The following WWOX variants were observed in gnomAD, a reference collection of about 807,000 sequenced individuals.
The protein encoded by WWOX is WW domain-containing oxidoreductase.
In WWOX, 69 loss-of-function variants were observed where a neutral mutation model predicts 46.2. The observed-to-expected ratio is 1.49, with a 90% CI of 1.23 to 1.82. The LOEUF (loss-of-function observed/expected upper bound fraction) is 1.82, where lower values mean the gene tolerates loss of function less well. WWOX is among the 40% of genes most tolerant of loss of function. The pLI, the probability that WWOX is intolerant of heterozygous loss-of-function variation, is 0.00. For missense variants in WWOX, 919 were observed against 542.6 expected (o/e 1.69, Z -6.89); for synonymous variants, 359 against 202.6 (o/e 1.77, Z -6.56).
chr16:78,541,094 T>C (rs1398904544), intron 8 of WWOX, among the ~76,000 whole-genome samples: 1 of 152,202 alleles, frequency 6.6e-6, no homozygotes, highest in Non-Finnish European at 1.5e-5. Flanking sequence ...GAGAACCTAA[T>C]ATATTTTGAG....
chr16:78,475,481 G>A (rs559613397), intron 8 of WWOX, among the ~76,000 whole-genome samples: 12 of 152,310 alleles, frequency 7.9e-5, no homozygotes, highest in African/African-American at 2.9e-4. Context: ...TTATAAGGTG[G>A]TCCTTTATAA....
At chr16:78,632,149 G>C (rs2046447773) in intron 8 of WWOX, among the ~76,000 whole-genome samples, 1 of 152,158 alleles carries the variant, frequency 6.6e-6, no homozygotes, top group Non-Finnish European at 1.5e-5. Context: ...AGAAATAGCT[G>C]GGTTGAATTC....
At chr16:78,417,558 AT>A (rs1295817491) in intron 6 of WWOX, among the ~76,000 whole-genome samples, 1 of 152,222 alleles carries the variant, frequency 6.6e-6, no homozygotes, top group Non-Finnish European at 1.5e-5. Flanking sequence ...TGAGCAAAAT[AT>A]TTCAGATGCA....
intron 8 of WWOX, among the ~76,000 whole-genome samples, chr16:78,659,807 T>C (rs1443408382): frequency 6.6e-6 from 1 of 152,212 alleles, no homozygotes; most frequent in African/African-American, 2.4e-5. Context: ...TTTCTTTTTT[T>C]ACAAGTCACT....
At chr16:78,497,922 G>T (rs1228671962) in intron 8 of WWOX, among the ~76,000 whole-genome samples, 1 of 151,920 alleles carries the variant, frequency 6.6e-6, no homozygotes, top group Non-Finnish European at 1.5e-5. Context: ...GCATCAGGGG[G>T]CTGGGAGCAG....
At chr16:78,224,624 A>G (rs1045813511) in intron 5 of WWOX, among the ~76,000 whole-genome samples, 30 of 152,156 alleles carry the variant, frequency 2.0e-4, no homozygotes, top group African/African-American at 6.8e-4. Flanking sequence ...TGGAATTGCA[A>G]TGAATGTTTT....
intron 8 of WWOX, among the ~76,000 whole-genome samples, chr16:78,783,828 CTGATGGTGGTGA>C (rs1219018038): frequency 7.0e-6 from 1 of 143,724 alleles, no homozygotes; most frequent in Admixed American, 6.9e-5. Flanking sequence ...TGATAAGATG[CTGATGGTGGTGA>C]TGATGATGGT....
chr16:79,002,589 T>C (rs67558905), intron 8 of WWOX, among the ~76,000 whole-genome samples: 21,774 of 152,286 alleles, frequency 0.14, 1,743 homozygotes, highest in Middle Eastern at 0.26. Context: ...TGATGATGAT[T>C]ACAGCAGATC....
At chr16:78,404,375 A>G (rs190214270) in intron 6 of WWOX, among the ~76,000 whole-genome samples, 1 of 152,024 alleles carries the variant, frequency 6.6e-6, no homozygotes, top group Admixed American at 6.6e-5. Context: ...TACCACCTCT[A>G]TCCTTCAGGG....
intron 8 of WWOX, among the ~76,000 whole-genome samples, chr16:79,092,659 G>C (rs2150605984): frequency 6.6e-6 from 1 of 152,312 alleles, no homozygotes; most frequent in Middle Eastern, 3.4e-3. Flanking sequence ...GGCGAGGAGT[G>C]AATTGTGATG....
intron 8 of WWOX, among the ~76,000 whole-genome samples, chr16:78,593,673 C>A (rs927892269): frequency 6.6e-6 from 1 of 151,906 alleles, no homozygotes; most frequent in African/African-American, 2.4e-5. Context: ...GGTGATCCTG[C>A]TGCTTGGCAG....
chr16:78,557,780 C>G (rs567156008), intron 8 of WWOX, among the ~76,000 whole-genome samples: 1 of 148,190 alleles, frequency 6.7e-6, no homozygotes, highest in Non-Finnish European at 1.5e-5. Context: ...ACTGCAACCT[C>G]CGCCTCCTGG....
At chr16:78,101,982 T>G (rs2031825388) in intron 1 of WWOX, among the ~76,000 whole-genome samples, 1 of 151,966 alleles carries the variant, frequency 6.6e-6, no homozygotes, top group Non-Finnish European at 1.5e-5. Context: ...TGAGGGAATA[T>G]GGTGGCACCC....
rs192177299 is a variant in WWOX at position 78,137,571 on chromosome 16, C to T, written c.409+22417C>T. On this transcript the variant is annotated intron_variant, in intron 4 of 8. Transcript: ENST00000566780. ...ATGGATGACTTCATATATATGCCGC[C>T]ACAGAGGGAATTACCGTTTTTCTTT... is the stretch of plus-strand genomic sequence containing the variant. Among the ~76,000 whole-genome samples the T allele has an allele frequency of 7.2e-5, 11 of 152,190 alleles. No individual in the cohort carries two copies. The East Asian group carries it at 1.9e-3, about 27-fold the overall frequency.
chr16:78,683,031 A>G (rs2047766311), intron 8 of WWOX, among the ~76,000 whole-genome samples: 1 of 152,170 alleles, frequency 6.6e-6, no homozygotes, highest in Non-Finnish European at 1.5e-5. Flanking sequence ...GCTGTGATGG[A>G]TACCTTTGGT....
Position 78,676,327 on chromosome 16 carries a change from C to A in WWOX, c.1056+243575C>A, listed in dbSNP as rs576879982. On this transcript the variant is annotated intron_variant, in intron 8 of 8. Coordinates refer to ENST00000566780, the MANE Select transcript of WWOX (RefSeq NM_016373.4). ...GTCTCAGACTTTGTCCCCTTTTGTT[C>A]CTGCATTGCCCTCCATTCAGATCTT... 6.6e-5 allele frequency among the ~76,000 whole-genome samples: 10 copies of A among 152,114 alleles called. No individual in the cohort carries two copies. In the South Asian group the frequency reaches 2.1e-3, roughly 32 times the overall value.
intron 8 of WWOX, among the ~76,000 whole-genome samples, chr16:78,906,277 C>A (rs2044961823): frequency 6.6e-6 from 1 of 152,164 alleles, no homozygotes; most frequent in Non-Finnish European, 1.5e-5. Context: ...GAGGCATAGC[C>A]CAAGGCAGCT....
chr16:78,181,193 C>T (rs1293821388), intron 5 of WWOX, among the ~76,000 whole-genome samples: 1 of 151,912 alleles, frequency 6.6e-6, no homozygotes, highest in Non-Finnish European at 1.5e-5. Context: ...GACAGAAAGA[C>T]AGAGAGAGAC....
At chr16:78,916,918 G>A (rs1161578420) in intron 8 of WWOX, among the ~76,000 whole-genome samples, 1 of 152,118 alleles carries the variant, frequency 6.6e-6, no homozygotes, top group South Asian at 2.1e-4. Context: ...AAGGGGATCA[G>A]GTAAAGCTTG....
Sources: gnomAD v4.1 joint callset for allele counts (sites outside exome capture counted in the v4.1 genomes callset) on GRCh38, gnomAD v4.1.1 for gene constraint, MANE v1.5 for transcripts, NCBI Gene and HGNC (gene_info 2026-07-23, HGNC 2026-07-21) for gene names.